Variants in DOCK6 observed in about 807,000 individuals in gnomAD.
DOCK6 encodes the protein dedicator of cytokinesis 6, also known as dedicator of cytokinesis protein 6.
DOCK6 carries 167 observed loss-of-function variants against 230.3 expected under a neutral mutation model. The observed-to-expected ratio is 0.73, with a 90% CI of 0.64 to 0.82. The LOEUF is 0.82. DOCK6 is among the 40% of genes least tolerant of loss of function. The pLI, the probability that DOCK6 is intolerant of heterozygous loss-of-function variation, is 0.00. For missense variants in DOCK6, 2,598 were observed against 2,825.8 expected (o/e 0.92, Z 1.83); for synonymous variants, 1,148 against 1,185.0 (o/e 0.97, Z 0.64).
intron 1 of DOCK6, among the ~76,000 whole-genome samples, chr19:11,254,918 G>A (rs998464903): frequency 6.6e-6 from 1 of 152,196 alleles, no homozygotes; most frequent in Non-Finnish European, 1.5e-5. Context: ...CTTTGAGTGT[G>A]GAGACTCCTG....
chr19:11,225,524 C>CAA (rs1382652673), intron 24 of DOCK6, among the ~76,000 whole-genome samples: 2 of 151,962 alleles, frequency 1.3e-5, no homozygotes, highest in Non-Finnish European at 2.9e-5. Flanking sequence ...CATCTCTACA[C>CAA]ACACACACAC....
At position 11,251,206 on chromosome 19, in the gene DOCK6, T is replaced by C. The variant is rs372009619; in HGVS notation, c.508-120A>G. ...GAAATTGAGGGTCAGGGGGTGAGGG[T>C]CATCACTCTAAGGGTCACCTGGGGG... On this transcript the variant is annotated intron_variant, in intron 5 of 47. Transcript: ENST00000294618. 3.7e-5 allele frequency: 38 copies of C among 1,038,140 alleles called. No homozygotes were observed. In the East Asian group the frequency reaches 8.2e-4, roughly 22 times the overall value. The allele number at this position is 1,038,140 out of a possible 1,614,324, so 64.3% of individuals were successfully genotyped here. A position where few individuals can be genotyped will look rare whatever the true frequency, so the allele number is the denominator to read the frequency against.
intron 14 of DOCK6, chr19:11,238,845 G>C (rs763299624): frequency 6.3e-6 from 1 of 159,016 alleles, no homozygotes; most frequent in Non-Finnish European, 1.4e-5. Flanking sequence ...GTGTATAATG[G>C]GCACTTCAGG....
intron 1 of DOCK6, among the ~76,000 whole-genome samples, chr19:11,261,624 T>C (rs1225690801): frequency 6.6e-6 from 1 of 152,116 alleles, no homozygotes; most frequent in Admixed American, 6.5e-5. Flanking sequence ...GAGAGTCTGA[T>C]ATACCCCTCC....
chr19:11,204,472 T>C, intron 39 of DOCK6, 141 bp from the exon 40 acceptor site: 1 of 1,169,974 alleles, frequency 8.5e-7, no homozygotes, highest in Non-Finnish European at 1.2e-6. Context: ...TGACCACCCC[T>C]ATCCCAGATA....
At chr19:11,244,622 C>T (rs10411534) in intron 9 of DOCK6, among the ~76,000 whole-genome samples, 6 of 151,606 alleles carry the variant, frequency 4.0e-5, no homozygotes, top group Non-Finnish European at 8.8e-5. Flanking sequence ...TACTACGTCC[C>T]GCTAATTTTT....
chr19:11,236,264 G>T lies in DOCK6; in HGVS notation c.2392+82C>A. The T allele has an allele frequency of 7.7e-7, 1 of 1,298,884 alleles. No individual in the cohort carries two copies. Among genetic ancestry groups the T allele is most frequent in the Non-Finnish European group, 1.1e-6 (1 of 947,204 alleles). The allele number at this position is 1,298,884 out of a possible 1,614,324, so 80.5% of individuals were successfully genotyped here. A position where few individuals can be genotyped will look rare whatever the true frequency, so the allele number is the denominator to read the frequency against. ...GAAAAATGGCCAGAGAGGTAAATGG[G>T]CTTATAGAAGATCCCTCAGGACCTC... On this transcript the variant is annotated intron_variant, in intron 20 of 47. Transcript: ENST00000294618. This position sits in a 1 kb window ranked among gnomAD's most constrained non-coding sequence, Gnocchi z 5.2.
At position 11,200,637 on chromosome 19, in the gene DOCK6, G is replaced by T. The variant is rs1326249592; in HGVS notation, c.5939+79C>A. On this transcript the variant is annotated intron_variant, in intron 46 of 47. Coordinates refer to ENST00000294618, the MANE Select transcript of DOCK6 (RefSeq NM_020812.4). This position sits in a 1 kb window ranked among gnomAD's most constrained non-coding sequence, Gnocchi z 4.3. The stretch of plus-strand genomic sequence containing the variant: ...GGAATCGGGCAGATGGGGGAGCCAT[G>T]CAGAGATCAGATGGGCAGAGAGCAG... 1.3e-6 allele frequency: 2 copies of T among 1,503,992 alleles called. No homozygotes were observed. Among genetic ancestry groups the T allele is most frequent in the Non-Finnish European group, 1.8e-6 (2 of 1,111,520 alleles). 93.2% of individuals were successfully genotyped at this position (1,503,992 alleles called of 1,614,324 possible). A position where few individuals can be genotyped will look rare whatever the true frequency, so the allele number is the denominator to read the frequency against.
intron 7 of DOCK6, chr19:11,247,309 G>T (rs2080050374): frequency 6.6e-6 from 1 of 151,830 alleles, no homozygotes; most frequent in Non-Finnish European, 1.5e-5. Flanking sequence ...GGCCAGGCTG[G>T]TCTCAAATTC....
At chr19:11,216,581 GTATTT>G (rs1452112181) in intron 30 of DOCK6, 1 of 268,948 alleles carries the variant, frequency 3.7e-6, no homozygotes, top group Non-Finnish European at 7.3e-6. Context: ...CTATTATTTT[GTATTT>G]TTAGTAGAGA....
Position 11,202,800 on chromosome 19 carries a change from G to A in DOCK6, c.5236-91C>T. On this transcript the variant is annotated intron_variant, in intron 41 of 47. Coordinates refer to ENST00000294618, the MANE Select transcript of DOCK6 (RefSeq NM_020812.4). This position sits in a 1 kb window ranked among gnomAD's most constrained non-coding sequence, Gnocchi z 5.3. ...ATAGGTGTCTCGAATATCAGGATGG[G>A]AGTGTGAGGACCCCGAGAACATCAG... The A allele has an allele frequency of 6.3e-7, 1 of 1,593,072 alleles. No individual in the cohort carries two copies. The highest frequency in any genetic ancestry group is 8.5e-7 in the Non-Finnish European group (1 of 1,174,096).
chr19:11,212,203 C>G, intron 35 of DOCK6, 52 bp from the exon 36 acceptor site: 5 of 1,575,582 alleles, frequency 3.2e-6, no homozygotes, highest in Non-Finnish European at 4.3e-6. Flanking sequence ...ACCCCAGACC[C>G]CACATCAGAG....
intron 31 of DOCK6, 118 bp from the exon 32 acceptor site, chr19:11,215,589 G>T: frequency 7.7e-7 from 1 of 1,290,914 alleles, no homozygotes; most frequent in Non-Finnish European, 1.1e-6. Context: ...GGCACTGGGT[G>T]GAGCAGAAGC....
In DOCK6 at chr19:11,200,253, GTCTGCC is replaced by G. The variant is rs919717608; in HGVS notation, c.6101+49_6101+54del. On this transcript the variant is annotated intron_variant, in intron 47 of 47. Transcript: ENST00000294618. The surrounding 1 kb of genome is among the most constrained non-coding windows in gnomAD (Gnocchi z 4.3). ...CAGCCCCCATCCTGTACCTGTCCTG[GTCTGCC>G]TCTGCATCCCCTCTCTAGTCTCTAG... 1 of 1,523,548 alleles carries G rather than the reference GTCTGCC, an allele frequency of 6.6e-7. No individual in the cohort carries two copies. The highest frequency in any genetic ancestry group is 8.8e-7 in the Non-Finnish European group (1 of 1,131,002). The allele number at this position is 1,523,548 out of a possible 1,614,324, so 94.4% of individuals were successfully genotyped here. A position where few individuals can be genotyped will look rare whatever the true frequency, so the allele number is the denominator to read the frequency against.
chr19:11,204,328 C>T lies in DOCK6; in HGVS notation c.5092G>A (p.Gly1698Arg), dbSNP rs183074899. 27 of 1,611,294 alleles carry T rather than the reference C, an allele frequency of 1.7e-5. No individual in the cohort carries two copies. The highest frequency in any genetic ancestry group is 1.1e-4 in the East Asian group (5 of 44,816). Reference protein sequence around the residue: ...EQAAGYFTMGGLYEAVNEVYK... With the variant: ...EQAAGYFTMGRLYEAVNEVYK... ...ACCTCATTCACCGCCTCGTAGAGCC[C>T]GCCCTGAGGGTGAGGTGGGGTCAGG... Residue 1698 changes from glycine to arginine, a missense_variant, in exon 40 of 48, where the codon GGG becomes AGG. Transcript: ENST00000294618.
intron 14 of DOCK6, chr19:11,239,905 G>A (rs1175331654): frequency 6.3e-7 from 1 of 1,590,330 alleles, no homozygotes. Flanking sequence ...TGCAGCCCAG[G>A]AACTTCGGGC....
chr19:11,217,183 T>C (rs1238646818), intron 29 of DOCK6, 48 bp downstream of exon 29: 1 of 1,600,948 alleles, frequency 6.2e-7, no homozygotes, highest in African/African-American at 1.3e-5. Context: ...ACATGACTTC[T>C]CTCATTCAAA....
chr19:11,257,582 T>C (rs1017915016), intron 1 of DOCK6, among the ~76,000 whole-genome samples: 2 of 146,110 alleles, frequency 1.4e-5, no homozygotes, highest in African/African-American at 5.1e-5. Context: ...TGAGGTCAGG[T>C]GTTTGACACC....
At chr19:11,244,339 AGTGC>A (rs1016260539) in intron 9 of DOCK6, among the ~76,000 whole-genome samples, 2 of 150,274 alleles carry the variant, frequency 1.3e-5, no homozygotes, top group African/African-American at 4.9e-5. Flanking sequence ...CCCAGGCTGA[AGTGC>A]GTGATGGGAT....
Sources: allele counts gnomAD v4.1 joint callset (sites outside exome capture counted in the v4.1 genomes callset), GRCh38; gene constraint gnomAD v4.1.1; non-coding constraint Gnocchi (gnomAD v3.1); transcripts MANE v1.5; gene names NCBI Gene and HGNC (gene_info 2026-07-23, HGNC 2026-07-21).